Variants in LRRC9 observed in about 807,000 individuals in gnomAD.
The protein encoded by LRRC9 is leucine rich repeat containing 9.
A neutral mutation model predicts 63.2 loss-of-function variants in LRRC9; 122 were observed. The ratio of observed to expected loss-of-function variants is 1.93; its 90% CI spans 1.67 to 2.24. The LOEUF is 2.24. Ranked by LOEUF, LRRC9 falls within the 30% of genes most tolerant of loss-of-function variation. The pLI is 0.00. For synonymous variants in LRRC9, 366 were observed against 213.1 expected (o/e 1.72, Z -6.25); for missense variants, 1,071 against 627.7 (o/e 1.71, Z -7.55).
At chr14:59,941,628 A>C (rs1881774909) in intron 7 of LRRC9, among the ~76,000 whole-genome samples, 1 of 151,918 alleles carries the variant, frequency 6.6e-6, no homozygotes, top group Non-Finnish European at 1.5e-5. Context: ...GACCAAATTA[A>C]CTCCATCCCA....
chr14:60,018,289 G>T, intron 24 of LRRC9, 82 bp from the exon 25 acceptor site: 1 of 676,422 alleles, frequency 1.5e-6, no homozygotes, highest in Non-Finnish European at 2.7e-6. Flanking sequence ...GTCTTTGGTG[G>T]CTGTATGTGA....
intron 20 of LRRC9, among the ~76,000 whole-genome samples, chr14:60,002,434 C>A (rs978417335): frequency 6.6e-6 from 1 of 152,126 alleles, no homozygotes; most frequent in Non-Finnish European, 1.5e-5. Flanking sequence ...TTGCCCCTAG[C>A]CCCTGGCAAC....
At chr14:59,939,823 T>C (rs1417092489) in intron 7 of LRRC9, among the ~76,000 whole-genome samples, 1 of 151,948 alleles carries the variant, frequency 6.6e-6, no homozygotes, top group Non-Finnish European at 1.5e-5. Context: ...GTTTGAACAA[T>C]TTTTTGAATA....
rs923613465 is a variant in LRRC9 at position 59,986,752 on chromosome 14, T to G, written c.2211+1528T>G. Among the ~76,000 whole-genome samples the G allele has an allele frequency of 6.6e-6, 1 of 152,182 alleles. No individual in the cohort carries two copies. Among genetic ancestry groups the G allele is most frequent in the Non-Finnish European group, 1.5e-5 (1 of 68,020 alleles). ...TTTATTTTGCCATGTGGTGGTGGTGTTCAACTTTAATACAAAAATTATTTT... is the reference window on the plus strand; with the variant it reads ...TTTATTTTGCCATGTGGTGGTGGTGGTCAACTTTAATACAAAAATTATTTT... On this transcript the variant is annotated intron_variant, in intron 17 of 31. Coordinates refer to ENST00000445360, the Ensembl canonical transcript of LRRC9. The surrounding 1 kb of genome is among the most constrained non-coding windows in gnomAD (Gnocchi z 4.7).
intron 19 of LRRC9, among the ~76,000 whole-genome samples, chr14:59,999,588 A>G (rs542611207): frequency 2.0e-5 from 3 of 152,170 alleles, no homozygotes; most frequent in Non-Finnish European, 2.9e-5. Context: ...TGAATTATCT[A>G]TCTACTTAAT....
chr14:60,040,438 G>A (rs1892849437), intron 29 of LRRC9, among the ~76,000 whole-genome samples: 1 of 151,886 alleles, frequency 6.6e-6, no homozygotes, highest in South Asian at 2.1e-4. Flanking sequence ...ATGAATCTGG[G>A]TGCTCCTGTA....
chr14:59,959,602 A>G (rs191926853), intron 8 of LRRC9, among the ~76,000 whole-genome samples: 210 of 152,350 alleles, frequency 1.4e-3, no homozygotes, highest in Middle Eastern at 0.014. Flanking sequence ...GCACTTGGTC[A>G]AGAGAAACTG....
rs907506907 is a variant in LRRC9, at chr14:59,932,358, C to G, written c.543+319C>G. ...AGATATGGACTGCCCTTGGTCAGTA[C>G]TGACATCTTTTCTCATTTCTGTCTG... On this transcript the variant is annotated intron_variant, in intron 6 of 31. Coordinates refer to ENST00000445360, the Ensembl canonical transcript of LRRC9. This position sits in a 1 kb window ranked among gnomAD's most constrained non-coding sequence, Gnocchi z 4.7. Among the ~76,000 whole-genome samples, 5 of 152,138 alleles carry G rather than the reference C, an allele frequency of 3.3e-5. No individual in the cohort carries two copies. Among genetic ancestry groups the G allele is most frequent in the Non-Finnish European group, 5.9e-5 (4 of 67,998 alleles).
rs896644384 is a variant in LRRC9, at chr14:60,060,444, T to C, written c.4276+2422T>C. ...ATATTTTGTAAGGCTCTAACTACCA[T>C]AGACAGTGATTCCTAACCGGGCGCG... On this transcript the variant is annotated intron_variant, in intron 31 of 31. Coordinates refer to ENST00000445360, the Ensembl canonical transcript of LRRC9. The surrounding 1 kb of genome is among the most constrained non-coding windows in gnomAD (Gnocchi z 4.0). 3.3e-5 allele frequency among the ~76,000 whole-genome samples: 5 copies of C among 152,134 alleles called. No homozygotes were observed. Among genetic ancestry groups the C allele is most frequent in the East Asian group, 1.9e-4 (1 of 5,186 alleles).
rs954342556 is a variant in LRRC9 at position 60,053,732 on chromosome 14, C to T, written c.4131+527C>T. The T allele has an allele frequency of 3.1e-6, 1 of 324,820 alleles. No individual in the cohort carries two copies. Among genetic ancestry groups the T allele is most frequent in the Admixed American group, 4.2e-5 (1 of 23,536 alleles). The allele number at this position is 324,820 out of a possible 1,614,324, so 20.1% of individuals were successfully genotyped here. A position where few individuals can be genotyped will look rare whatever the true frequency, so the allele number is the denominator to read the frequency against. The stretch of plus-strand genomic sequence containing the variant: ...TTTACTCAGGAGCCCTAAAATGTAT[C>T]TGATCATGGTAGGAAAGAGATTAAA... On this transcript the variant is annotated intron_variant, in intron 30 of 31. Transcript: ENST00000445360. The surrounding 1 kb of genome is among the most constrained non-coding windows in gnomAD (Gnocchi z 4.8).
chr14:60,065,437 C>T (rs2140488279), downstream of LRRC9, among the ~76,000 whole-genome samples: 1 of 151,508 alleles, frequency 6.6e-6, no homozygotes, highest in Non-Finnish European at 1.5e-5. Context: ...CACCTGAGGT[C>T]AGGAGTTCAA....
chr14:59,947,206 G>A (rs1447784095), intron 8 of LRRC9, among the ~76,000 whole-genome samples: 1 of 151,190 alleles, frequency 6.6e-6, no homozygotes, highest in East Asian at 2.0e-4. Flanking sequence ...ATTCTAACTG[G>A]TGTGAGATGA....
At chr14:59,949,252 C>A (rs528936221) in intron 8 of LRRC9, among the ~76,000 whole-genome samples, 2 of 152,066 alleles carry the variant, frequency 1.3e-5, no homozygotes. Context: ...GTGTATGTGT[C>A]GAGGAATTTA....
intron 10 of LRRC9, among the ~76,000 whole-genome samples, chr14:59,965,920 A>AAAAAAAT (rs1274886982): frequency 7.3e-6 from 1 of 136,384 alleles, no homozygotes; most frequent in Non-Finnish European, 1.6e-5. Flanking sequence ...AAAAAAAAAA[A>AAAAAAAT]GATACTGGTG....
chr14:60,056,556 T>C (rs1169624576), intron 30 of LRRC9, among the ~76,000 whole-genome samples: 1 of 152,218 alleles, frequency 6.6e-6, no homozygotes, highest in Non-Finnish European at 1.5e-5. Flanking sequence ...TGAGTTATTC[T>C]AGATACATAT....
intron 23 of LRRC9, among the ~76,000 whole-genome samples, chr14:60,015,193 A>C (rs191084056): frequency 1.3e-5 from 2 of 151,150 alleles, no homozygotes; most frequent in Non-Finnish European, 3.0e-5. Context: ...TGTTTTTTTC[A>C]TTTGTTTCAA....
At chr14:59,928,108 TTG>T in intron 2 of LRRC9, 117 bp downstream of exon 2, 1 of 586,464 alleles carries the variant, frequency 1.7e-6, no homozygotes, top group Non-Finnish European at 3.0e-6. Context: ...CCTAGTGACT[TTG>T]GGAAGCAGAG....
intron 15 of LRRC9, among the ~76,000 whole-genome samples, chr14:59,980,890 T>C (rs1886857024): frequency 6.6e-6 from 1 of 152,182 alleles, no homozygotes; most frequent in South Asian, 2.1e-4. Flanking sequence ...AGCAAAGACC[T>C]TGGTTCCATC....
intron 29 of LRRC9, among the ~76,000 whole-genome samples, chr14:60,045,872 C>T (rs1396828440): frequency 6.6e-6 from 1 of 152,318 alleles, no homozygotes; most frequent in Admixed American, 6.5e-5. Context: ...AATGTTGGAA[C>T]AAATTTACAC....
Sources: gnomAD v4.1 joint callset for allele counts (sites outside exome capture counted in the v4.1 genomes callset) on GRCh38, gnomAD v4.1.1 for gene constraint, Gnocchi (gnomAD v3.1) non-coding constraint, MANE v1.5 for transcripts, NCBI Gene and HGNC (gene_info 2026-07-23, HGNC 2026-07-21) for gene names.